Variants in ROBO1 observed in about 807,000 individuals in gnomAD.
ROBO1 encodes the protein roundabout homolog 1.
A neutral mutation model predicts 195.9 loss-of-function variants in ROBO1; 149 were observed. The ratio of observed to expected loss-of-function variants is 0.76; its 90% confidence interval spans 0.67 to 0.87. The LOEUF is 0.87. Ranked by LOEUF, ROBO1 falls within the 40% of genes least tolerant of loss-of-function variation. The probability of loss-of-function intolerance (pLI) is 0.00; values close to 1 mark genes in which losing one functional copy is unlikely to be tolerated. For missense variants in ROBO1, 1,933 were observed against 2,068.3 expected, an observed-to-expected ratio of 0.93 and a Z score of 1.27; for synonymous variants, 816 against 733.2, an observed-to-expected ratio of 1.11 and a Z score of -1.82.
At chr3:79,721,483 A>C (rs1170945891) in intron 1 of ROBO1, among the ~76,000 whole-genome samples, 1 of 152,184 alleles carries the variant, frequency 6.6e-6, no homozygotes, top group African/African-American at 2.4e-5. Flanking sequence ...GAAACTGTCA[A>C]ACTTTCTGGA....
chr3:79,123,527 T>C (rs2080160134), intron 3 of ROBO1, among the ~76,000 whole-genome samples: 1 of 152,022 alleles, frequency 6.6e-6, no homozygotes, highest in African/African-American at 2.4e-5. Flanking sequence ...ATGGTTAACA[T>C]GCAAACAAAA....
At chr3:78,845,569 GAATA>G (rs1179068093) in intron 4 of ROBO1, among the ~76,000 whole-genome samples, 3 of 151,972 alleles carry the variant, frequency 2.0e-5, no homozygotes. Flanking sequence ...GAAAGAAATT[GAATA>G]AATTATAGAA....
At chr3:79,647,962 T>A (rs74928315) in intron 1 of ROBO1, among the ~76,000 whole-genome samples, 3,225 of 152,200 alleles carry the variant, frequency 0.021, 57 homozygotes, top group Non-Finnish European at 0.032. Context: ...TTTGTTGACG[T>A]TTTTGTGACC....
intron 1 of ROBO1, among the ~76,000 whole-genome samples, chr3:79,612,047 C>A (rs1333990898): frequency 6.7e-6 from 1 of 150,032 alleles, no homozygotes; most frequent in African/African-American, 2.5e-5. Flanking sequence ...TTTTTTTATA[C>A]TTTTAAGTTA....
In ROBO1 at chr3:79,647,874, G is replaced by A. The variant is rs140054995; in HGVS notation, c.-50-57913C>T. On this transcript the variant is annotated intron_variant, in intron 1 of 30. Transcript: ENST00000464233. Reference sequence around the variant, plus strand: ...TAAGATATATCAGTTCTTTAAGATAGATTGTCTTACTTGTTTTTATTAATC... The same window carrying A: ...TAAGATATATCAGTTCTTTAAGATAAATTGTCTTACTTGTTTTTATTAATC... 7.2e-3 allele frequency among the ~76,000 whole-genome samples: 1,103 copies of A among 152,142 alleles called. 3 individuals are homozygous for A. The highest frequency in any genetic ancestry group is 0.013 in the Non-Finnish European group (856 of 67,988).
intron 7 of ROBO1, among the ~76,000 whole-genome samples, chr3:78,715,831 C>T (rs557833344): frequency 5.9e-5 from 9 of 152,078 alleles, no homozygotes; most frequent in Admixed American, 2.0e-4. Flanking sequence ...CCACTGGGCC[C>T]GGCCAACAAA....
At chr3:78,631,406 T>TA in intron 24 of ROBO1, 101 bp from the exon 25 acceptor site, 1 of 1,282,138 alleles carries the variant, frequency 7.8e-7, no homozygotes. Context: ...TTATAATTCA[T>TA]TTATATATAC....
intron 2 of ROBO1, among the ~76,000 whole-genome samples, chr3:79,477,029 G>T (rs1266376484): frequency 6.6e-6 from 1 of 152,000 alleles, no homozygotes; most frequent in Non-Finnish European, 1.5e-5. Flanking sequence ...TAATTAATAT[G>T]TGGCAGAACG....
At chr3:79,052,066 C>T (rs148144523) in intron 3 of ROBO1, among the ~76,000 whole-genome samples, 208 of 152,128 alleles carry the variant, frequency 1.4e-3, no homozygotes, top group African/African-American at 4.7e-3. Flanking sequence ...GGGAGATAAC[C>T]GTAAGGTCTG....
chr3:79,586,669 T>C lies in ROBO1; in HGVS notation c.88+3155A>G, dbSNP rs540701652. On this transcript the variant is annotated intron_variant, in intron 2 of 30. Transcript: ENST00000464233. ...ATTTTATTTTTTTTTACCATAGAGG[T>C]TTTTTAATTTTTTAATTAAATTCCA... Among the ~76,000 whole-genome samples the C allele has an allele frequency of 1.0e-3, 156 of 151,774 alleles. 1 individual carries two copies. Among genetic ancestry groups the C allele is most frequent in the Admixed American group, 2.5e-3 (38 of 15,146 alleles).
At chr3:79,243,021 C>A (rs1286427700) in intron 2 of ROBO1, among the ~76,000 whole-genome samples, 1 of 127,514 alleles carries the variant, frequency 7.8e-6, no homozygotes, top group Non-Finnish European at 1.6e-5. Flanking sequence ...GTGTGATGTT[C>A]CCCTTCCTGT....
intron 10 of ROBO1, among the ~76,000 whole-genome samples, chr3:78,675,161 T>TA (rs111725105): frequency 0.025 from 3,572 of 141,392 alleles, 108 homozygotes; most frequent in African/African-American, 0.074. Context: ...ATCCACTCAT[T>TA]AAAAAAAAAA....
rs1168540409 is a variant in ROBO1 at position 79,597,423 on chromosome 3, A to G, written c.-50-7462T>C. Among the ~76,000 whole-genome samples, 6 of 152,184 alleles carry G rather than the reference A, an allele frequency of 3.9e-5. No homozygotes were observed. In the East Asian group the frequency reaches 9.7e-4, roughly 25 times the overall value. ...TCAAACCTCCTATAATAAGTATATT[A>G]TTTTAAAATGGCATACACATAAAAA... On this transcript the variant is annotated intron_variant, in intron 1 of 30. Transcript: ENST00000464233.
At chr3:79,563,865 A>G (rs1396892473) in intron 2 of ROBO1, among the ~76,000 whole-genome samples, 2 of 152,060 alleles carry the variant, frequency 1.3e-5, no homozygotes, top group African/African-American at 2.4e-5. Flanking sequence ...AAATATTTCT[A>G]TTTTATAGAG....
intron 18 of ROBO1, among the ~76,000 whole-genome samples, chr3:78,654,121 A>G (rs940820354): frequency 6.6e-6 from 1 of 152,364 alleles, no homozygotes; most frequent in Middle Eastern, 3.4e-3. Flanking sequence ...TCTTCTTTCA[A>G]TGGATTTTTC....
intron 3 of ROBO1, among the ~76,000 whole-genome samples, chr3:79,008,581 ATATT>A (rs1194059185): frequency 6.6e-6 from 1 of 151,464 alleles, no homozygotes; most frequent in East Asian, 1.9e-4. Context: ...ATACATATAT[ATATT>A]TATGTATACG....
At chr3:79,292,532 T>C (rs1331551328) in intron 2 of ROBO1, among the ~76,000 whole-genome samples, 6 of 152,206 alleles carry the variant, frequency 3.9e-5, no homozygotes, top group Non-Finnish European at 8.8e-5. Flanking sequence ...ATAGCTCTTA[T>C]TATTTAGAGA....
chr3:79,675,070 T>C (rs1946745733), intron 1 of ROBO1, among the ~76,000 whole-genome samples: 1 of 151,906 alleles, frequency 6.6e-6, no homozygotes, highest in Non-Finnish European at 1.5e-5. Context: ...AGTGCTTCTG[T>C]TGATATCATT....
chr3:78,973,575 C>CTA (rs58598961), intron 3 of ROBO1, among the ~76,000 whole-genome samples: 3,343 of 129,358 alleles, frequency 0.026, 76 homozygotes, highest in Admixed American at 0.06. Context: ...ATATATGAAG[C>CTA]TATATATATA....
Sources: gnomAD v4.1 joint callset for allele counts (sites outside exome capture counted in the v4.1 genomes callset) on GRCh38, gnomAD v4.1.1 for gene constraint, MANE v1.5 for transcripts, NCBI Gene and HGNC (gene_info 2026-07-23, HGNC 2026-07-21) for gene names.